The following GHRL variants were observed in gnomAD, a reference collection of about 807,000 sequenced individuals.
GHRL encodes the protein ghrelin and obestatin prepropeptide.
Under a neutral mutation model 16.9 loss-of-function variants are expected in GHRL, and 24 were observed. The ratio of observed to expected loss-of-function variants is 1.42; its 90% CI spans 1.03 to 2.00. The LOEUF (loss-of-function observed/expected upper bound fraction) is 2.00. Among genes scored for constraint, GHRL ranks in the 30% most tolerant of loss-of-function variants. GHRL has a pLI of 0.00. For missense variants in GHRL, 193 were observed against 142.1 expected (o/e 1.36, Z -1.82); for synonymous variants, 63 against 58.2 (o/e 1.08, Z -0.37).
Position 10,290,187 on chromosome 3 carries a change from A to G in GHRL, c.-7T>C, listed in dbSNP as rs370910573. 7.7e-5 allele frequency: 124 copies of G among 1,607,786 alleles called. No individual in the cohort carries two copies. The highest frequency in any genetic ancestry group is 1.0e-4 in the Non-Finnish European group (121 of 1,178,302). On this transcript the variant is annotated 5_prime_UTR_variant, in exon 3 of 6. Coordinates refer to ENST00000335542, the MANE Select transcript of GHRL (RefSeq NM_016362.5). ...CGGTCCCTGGGGAGGGCATGGCCTCAGCTGGGTTGCAGACAGGTGGGCCTG... is the reference window on the plus strand; with the variant it reads ...CGGTCCCTGGGGAGGGCATGGCCTCGGCTGGGTTGCAGACAGGTGGGCCTG...
Position 10,291,337 on chromosome 3 carries a change from G to C in GHRL, c.-651C>G, listed in dbSNP as rs1057337433. ...TATGCTTCAGTCATTTCTGCCAGGT[G>C]TGACATGACTGCCTGGCCTGGCGTT... On this transcript the variant is annotated 5_prime_UTR_variant, in exon 2 of 6. Coordinates refer to ENST00000335542, the MANE Select transcript of GHRL (RefSeq NM_016362.5). The C allele has an allele frequency of 1.0e-6, 1 of 985,428 alleles. No homozygotes were observed. The highest frequency in any genetic ancestry group is 1.2e-6 in the Non-Finnish European group (1 of 830,000). 61.0% of individuals were successfully genotyped at this position (985,428 alleles called of 1,614,324 possible).
chr3:10,288,995 A>G, intron 4 of GHRL, among the ~76,000 whole-genome samples: 1 of 152,026 alleles, frequency 6.6e-6, no homozygotes, highest in South Asian at 2.1e-4. Context: ...CGTAGGGAGG[A>G]GGTGGGGCAG....
rs1468155772 is a variant in GHRL at position 10,290,090 on chromosome 3, C to T, written c.91G>A (p.Glu31Lys). 8 of 1,612,424 alleles carry T rather than the reference C, an allele frequency of 5.0e-6. No individual in the cohort carries two copies. The highest frequency in any genetic ancestry group is 5.9e-6 in the Non-Finnish European group (7 of 1,179,610). Residue 31 changes from glutamate (E) to lysine (K), a missense_variant, in exon 3 of 6, where the codon GAA (glutamate) becomes AAA (lysine). Coordinates refer to ENST00000335542, the MANE Select transcript of GHRL (RefSeq NM_016362.5). ...GGTCTCACCTGGACTCTCTGGTGTT[C>T]AGGGCTCAGGAAGCTGGAGCCTGCC... Reference protein sequence around the residue: ...AMAGSSFLSPEHQRVQQRKES... With the variant: ...AMAGSSFLSPKHQRVQQRKES...
intron 4 of GHRL, chr3:10,287,585 G>A (rs2125198969): frequency 6.5e-6 from 1 of 153,906 alleles, no homozygotes; most frequent in East Asian, 1.9e-4. Flanking sequence ...ATTGGGCACT[G>A]ACTTATCTGA....
chr3:10,290,935 A>G lies in GHRL; in HGVS notation c.-249T>C. The G allele has an allele frequency of 5.1e-6, 5 of 985,722 alleles. No individual in the cohort carries two copies. Among genetic ancestry groups the G allele is most frequent in the Non-Finnish European group, 6.0e-6 (5 of 830,096 alleles). 61.1% of individuals were successfully genotyped at this position (985,722 alleles called of 1,614,324 possible). A position where few individuals can be genotyped will look rare whatever the true frequency, so the allele number is the denominator to read the frequency against. ...TTGCTGGGTTGGCGAGGGAAGAAGCATGTGCTCCAGCTGTCCCTGGAACAC... is the reference window on the plus strand; with the variant it reads ...TTGCTGGGTTGGCGAGGGAAGAAGCGTGTGCTCCAGCTGTCCCTGGAACAC... On this transcript the variant is annotated 5_prime_UTR_variant, in exon 2 of 6. It removes an upstream start codon present in the reference 5' UTR. Coordinates refer to ENST00000335542, the MANE Select transcript of GHRL (RefSeq NM_016362.5).
rs751785251 is a variant in GHRL, at chr3:10,291,266, T to C, written c.-580A>G. 1.0e-6 allele frequency: 1 copy of C among 985,510 alleles called. No homozygotes were observed. The highest frequency in any genetic ancestry group is 1.2e-6 in the Non-Finnish European group (1 of 829,962). The allele number at this position is 985,510 out of a possible 1,614,324, so 61.0% of individuals were successfully genotyped here. A position where few individuals can be genotyped will look rare whatever the true frequency, so the allele number is the denominator to read the frequency against. ...TCCCGGTTGAGCAGACTGCTCCTGATCATCCTCTCCAGAGAGTGGGTGTGG... is the reference window on the plus strand; with the variant it reads ...TCCCGGTTGAGCAGACTGCTCCTGACCATCCTCTCCAGAGAGTGGGTGTGG... On this transcript the variant is annotated 5_prime_UTR_variant, in exon 2 of 6. Transcript: ENST00000335542.
intron 4 of GHRL, among the ~76,000 whole-genome samples, chr3:10,288,717 G>A (rs975807168): frequency 6.6e-6 from 1 of 152,222 alleles, no homozygotes; most frequent in African/African-American, 2.4e-5. Context: ...CTCGACTGGA[G>A]AAGAGTATGG....
chr3:10,289,591 G>T (rs889417827), intron 4 of GHRL, among the ~76,000 whole-genome samples, 171 bp downstream of exon 4: 3 of 152,068 alleles, frequency 2.0e-5, no homozygotes, highest in Non-Finnish European at 4.4e-5. Context: ...CTCTTAATGG[G>T]TAAAGACCTC....
chr3:10,289,435 C>T (rs116635706), intron 4 of GHRL, among the ~76,000 whole-genome samples: 4,002 of 152,262 alleles, frequency 0.026, 70 homozygotes, highest in Non-Finnish European at 0.044. Context: ...CTGGGCCTGC[C>T]GTTTATTTCT....
chr3:10,290,425 A>T, intron 2 of GHRL: 1 of 517,538 alleles, frequency 1.9e-6, no homozygotes, highest in Non-Finnish European at 3.5e-6. Flanking sequence ...TGGCAGCAGG[A>T]CTTGATAGGG....
chr3:10,289,939 A>G (rs1699713287), intron 3 of GHRL, 61 bp from the exon 4 acceptor site: 1 of 1,490,276 alleles, frequency 6.7e-7, no homozygotes, highest in South Asian at 1.2e-5. Context: ...AGAAACAGTG[A>G]GGTCAGACCC....
At chr3:10,292,363 A>C (rs745324124) in intron 1 of GHRL, 37 of 165,986 alleles carry the variant, frequency 2.2e-4, no homozygotes, top group Non-Finnish European at 4.3e-4. Context: ...TTGGGGCAGG[A>C]CGTCCAGTGA....
In GHRL at chr3:10,292,605, C is replaced by T. The variant is rs1700151269; in HGVS notation, c.-766+237G>A. 9 of 513,266 alleles carry T rather than the reference C, an allele frequency of 1.8e-5. No homozygotes were observed. The South Asian group carries it at 2.5e-4, about 14-fold the overall frequency. The allele number at this position is 513,266 out of a possible 1,614,324, so 31.8% of individuals were successfully genotyped here. On this transcript the variant is annotated intron_variant, in intron 1 of 5. Coordinates refer to ENST00000335542, the MANE Select transcript of GHRL (RefSeq NM_016362.5). ...AAAATCCCACCTTTAGTCCCAGCAA[C>T]ATATGAGCATGTCACCAGGAGGTCT...
chr3:10,292,902 G>C lies in GHRL; in HGVS notation c.-826C>G. 2 of 1,547,812 alleles carry C rather than the reference G, an allele frequency of 1.3e-6. No individual in the cohort carries two copies. Among genetic ancestry groups the C allele is most frequent in the African/African-American group, 2.7e-5 (2 of 72,922 alleles). On this transcript the variant is annotated 5_prime_UTR_variant, in exon 1 of 6. Transcript: ENST00000335542. ...ATGTTGATCTTAGATAAGACCACCA[G>C]CAAGTAAACATCCACTGTGCAAAGC...
Position 10,290,075 on chromosome 3 carries a change from G to A in GHRL, c.106C>T (p.Gln36Ter). Reference sequence around the variant, plus strand: ...GGGGCTTTGTGGGGAGGTCTCACCTGGACTCTCTGGTGTTCAGGGCTCAGG... The same window carrying A: ...GGGGCTTTGTGGGGAGGTCTCACCTAGACTCTCTGGTGTTCAGGGCTCAGG... ...SFLSPEHQRV[Q>*]QRKESKKPPA... is the part of the protein sequence containing the mutation. The change falls in exon 3 of 6, where the codon CAG (glutamine) becomes TAG (stop). Residue 36 changes from glutamine (Q) to a stop codon, truncating the protein, a stop_gained and splice_region_variant. Transcript: ENST00000335542. LOFTEE classifies it high-confidence loss of function. 6.2e-7 allele frequency: 1 copy of A among 1,611,754 alleles called. No individual in the cohort carries two copies. The highest frequency in any genetic ancestry group is 8.5e-7 in the Non-Finnish European group (1 of 1,179,302).
In GHRL at chr3:10,289,846, C is replaced by T. The variant is rs1437154622; in HGVS notation, c.141G>A (p.Lys47=). 6.2e-7 allele frequency: 1 copy of T among 1,613,672 alleles called. No homozygotes were observed. Among genetic ancestry groups the T allele is most frequent in the East Asian group, 2.2e-5 (1 of 44,880 alleles). The change falls in exon 4 of 6, where the codon AAG becomes AAA. Residue 47 remains lysine, a synonymous_variant. Coordinates refer to ENST00000335542, the MANE Select transcript of GHRL (RefSeq NM_016362.5). ...QRKESKKPPA[K]LQPRALAGWL... The stretch of plus-strand genomic sequence containing the variant: ...AGCCTGCTAGAGCTCGGGGCTGCAG[C>T]TTGGCTGGTGGCTTCTTCGACTCCT...
chr3:10,290,341 C>T (rs946765697), intron 2 of GHRL, 132 bp from the exon 3 acceptor site: 28 of 770,264 alleles, frequency 3.6e-5, no homozygotes, highest in Admixed American at 2.3e-4. Context: ...AGAGAGGACC[C>T]CCGCTTCCAC....
Position 10,286,740 on chromosome 3 carries a change from T to A in GHRL, c.298A>T (p.Lys100Ter). ...QYQQHSQALG[K>*]FLQDILWEEA... The stretch of plus-strand genomic sequence containing the variant: ...TCCCAGAGGATGTCCTGAAGAAACT[T>A]CCCCAGGGCCTGGCTGTGCTGCTGG... The change falls in exon 5 of 6, where the codon AAG becomes TAG. Residue 100 changes from lysine (K) to a stop codon, truncating the protein, a stop_gained. Coordinates refer to ENST00000335542, the MANE Select transcript of GHRL (RefSeq NM_016362.5). LOFTEE classifies it high-confidence loss of function. 6.2e-7 allele frequency: 1 copy of A among 1,612,260 alleles called. No individual in the cohort carries two copies. Among genetic ancestry groups the A allele is most frequent in the African/African-American group, 1.3e-5 (1 of 74,994 alleles).
intron 3 of GHRL, 97 bp from the exon 4 acceptor site, chr3:10,289,975 A>G: frequency 6.6e-7 from 1 of 1,514,806 alleles, no homozygotes. Flanking sequence ...CTGGGAGAAG[A>G]CTGAAGCCCA....
Sources: allele counts gnomAD v4.1 joint callset (sites outside exome capture counted in the v4.1 genomes callset), GRCh38; gene constraint gnomAD v4.1.1; transcripts MANE v1.5; gene names NCBI Gene and HGNC (gene_info 2026-07-23, HGNC 2026-07-21).